PANX1: variants seen among roughly 807,000 people sequenced by gnomAD.
PANX1 encodes pannexin 1.
A neutral mutation model predicts 38.7 loss-of-function variants in PANX1; 30 were observed. The observed-to-expected ratio is 0.78, with a 90% CI of 0.58 to 1.05. The LOEUF (loss-of-function observed/expected upper bound fraction) is 1.05, where lower values mean the gene tolerates loss of function less well. PANX1 is among the 50% of genes least tolerant of loss of function. The pLI is 0.00. For synonymous variants in PANX1, 230 were observed against 212.2 expected (o/e 1.08, Z -0.73); for missense variants, 551 against 517.2 (o/e 1.07, Z -0.63).
intron 1 of PANX1, among the ~76,000 whole-genome samples, chr11:94,147,503 A>G (rs1038227768): frequency 2.0e-5 from 3 of 151,966 alleles, no homozygotes; most frequent in Non-Finnish European, 2.9e-5. Flanking sequence ...AACCCCTCAA[A>G]CTGCTACTTA....
intron 2 of PANX1, among the ~76,000 whole-genome samples, chr11:94,157,140 G>A (rs930649109): frequency 6.6e-6 from 1 of 151,968 alleles, no homozygotes; most frequent in Non-Finnish European, 1.5e-5. Flanking sequence ...TTGGACATTT[G>A]GGTTGGTTCC....
chr11:94,176,000 G>C, intron 2 of PANX1: 2 of 545,662 alleles, frequency 3.7e-6, no homozygotes, highest in Non-Finnish European at 4.7e-6. Flanking sequence ...TGCAAACTAG[G>C]ATAGGAAAAT....
At chr11:94,171,796 A>G (rs1288433518) in intron 2 of PANX1, among the ~76,000 whole-genome samples, 1 of 148,622 alleles carries the variant, frequency 6.7e-6, no homozygotes, top group Non-Finnish European at 1.5e-5. Context: ...TCCATGCACT[A>G]CTGATGACCT....
At position 94,180,770 on chromosome 11, in the gene PANX1, T is replaced by C. The variant is rs1489695378; in HGVS notation, c.1202-20T>C. The stretch of plus-strand genomic sequence containing the variant: ...TCCTGCTATGTTTCTGTCATAAATA[T>C]TTGTTTTCAATTTTGACAGGTATGA... On this transcript the variant is annotated intron_variant, in intron 4 of 4. Transcript: ENST00000227638. The C allele has an allele frequency of 1.5e-6, 2 of 1,310,976 alleles. No homozygotes were observed. Among genetic ancestry groups the C allele is most frequent in the Non-Finnish European group, 2.2e-6 (2 of 906,146 alleles). 81.2% of individuals were successfully genotyped at this position (1,310,976 alleles called of 1,614,324 possible). A position where few individuals can be genotyped will look rare whatever the true frequency, so the allele number is the denominator to read the frequency against.
chr11:94,142,994 T>C (rs920300205), intron 1 of PANX1, among the ~76,000 whole-genome samples: 59 of 152,386 alleles, frequency 3.9e-4, no homozygotes, highest in African/African-American at 1.4e-3. Flanking sequence ...GCATCTGTCA[T>C]GAGTTTTTGT....
chr11:94,130,371 G>T (rs1044529263), intron 1 of PANX1, among the ~76,000 whole-genome samples: 1 of 152,202 alleles, frequency 6.6e-6, no homozygotes, highest in African/African-American at 2.4e-5. Context: ...AGATGGCAGA[G>T]AATGTTATAT....
chr11:94,172,984 C>T (rs1024433149), intron 2 of PANX1, among the ~76,000 whole-genome samples: 2 of 151,746 alleles, frequency 1.3e-5, no homozygotes, highest in Admixed American at 6.5e-5. Flanking sequence ...TGAATAGAAG[C>T]CATGCCATCT....
Position 94,130,648 on chromosome 11 carries a change from A to G in PANX1, c.181+1155A>G, listed in dbSNP as rs1355668507. Among the ~76,000 whole-genome samples the G allele has an allele frequency of 5.9e-5, 9 of 152,196 alleles. No individual in the cohort carries two copies. In the East Asian group the frequency reaches 1.7e-3, roughly 29 times the overall value. On this transcript the variant is annotated intron_variant, in intron 1 of 4. Coordinates refer to ENST00000227638, the MANE Select transcript of PANX1 (RefSeq NM_015368.4). ...AGGCATCGGCTGAGGTCTTGTGCAC[A>G]GAGGGTGTGAAGAGTGGAAGAAAAT... is the stretch of plus-strand genomic sequence containing the variant.
intron 1 of PANX1, among the ~76,000 whole-genome samples, chr11:94,133,380 GC>G (rs1946652874): frequency 1.3e-5 from 2 of 152,160 alleles, no homozygotes; most frequent in African/African-American, 2.4e-5. Context: ...GAGGGGCATG[GC>G]AAGGCTGGTG....
At chr11:94,176,550 G>A (rs1947234386) in intron 2 of PANX1, among the ~76,000 whole-genome samples, 1 of 151,646 alleles carries the variant, frequency 6.6e-6, no homozygotes, top group Non-Finnish European at 1.5e-5. Context: ...AGCAATGGGG[G>A]AAACTGAGTG....
chr11:94,143,540 C>T (rs991678975), intron 1 of PANX1, among the ~76,000 whole-genome samples: 22 of 152,108 alleles, frequency 1.4e-4, no homozygotes, highest in African/African-American at 5.3e-4. Context: ...ATTTAATCCT[C>T]CTGGGAATTC....
At position 94,129,237 on chromosome 11, in the gene PANX1, T is replaced by TG; in HGVS notation, c.-73dup. On this transcript the variant is annotated 5_prime_UTR_variant, in exon 1 of 5. An upstream open reading frame in the 5' UTR loses its in-frame stop. Coordinates refer to ENST00000227638, the MANE Select transcript of PANX1 (RefSeq NM_015368.4). ...GAAAGCCGCGCGCCCGGCCGGTGAC[T>TG]GGGTGAAGGCGCCGCGCAGCTTTCC... The TG allele has an allele frequency of 7.6e-7, 1 of 1,323,202 alleles. No individual in the cohort carries two copies. The highest frequency in any genetic ancestry group is 1.0e-6 in the Non-Finnish European group (1 of 964,520). The allele number at this position is 1,323,202 out of a possible 1,614,324, so 82.0% of individuals were successfully genotyped here.
At chr11:94,169,423 A>C (rs540235461) in intron 2 of PANX1, among the ~76,000 whole-genome samples, 8 of 151,886 alleles carry the variant, frequency 5.3e-5, no homozygotes, top group Non-Finnish European at 1.2e-4. Context: ...GGCTAACTCT[A>C]CATTTGGGTG....
At position 94,128,943 on chromosome 11, in the gene PANX1, G is replaced by T; in HGVS notation, c.-370G>T. Reference sequence around the variant, plus strand: ...TCGGCAGCCAGGGCGGCGCGGAGGGGCAGGGCCAGAGGGAAGCGCTTTGTT... The same window carrying T: ...TCGGCAGCCAGGGCGGCGCGGAGGGTCAGGGCCAGAGGGAAGCGCTTTGTT... On this transcript the variant is annotated 5_prime_UTR_variant, in exon 1 of 5. Transcript: ENST00000227638. 1 of 163,174 alleles carries T rather than the reference G, an allele frequency of 6.1e-6. No homozygotes were observed. The allele number at this position is 163,174 out of a possible 1,614,324, so 10.1% of individuals were successfully genotyped here.
intron 2 of PANX1, among the ~76,000 whole-genome samples, chr11:94,170,930 C>T (rs984384584): frequency 1.3e-5 from 2 of 151,488 alleles, no homozygotes; most frequent in African/African-American, 4.9e-5. Context: ...CTTAGTTCAG[C>T]GTGCTCATGG....
chr11:94,144,244 A>G (rs748085233), intron 1 of PANX1, among the ~76,000 whole-genome samples: 4 of 151,644 alleles, frequency 2.6e-5, no homozygotes, highest in Non-Finnish European at 5.9e-5. Flanking sequence ...TTTTTTTTCC[A>G]TCATTCATTT....
At position 94,143,496 on chromosome 11, in the gene PANX1, C is replaced by T. The variant is rs116955087; in HGVS notation, c.182-9995C>T. On this transcript the variant is annotated intron_variant, in intron 1 of 4. Coordinates refer to ENST00000227638, the MANE Select transcript of PANX1 (RefSeq NM_015368.4). The stretch of plus-strand genomic sequence containing the variant: ...AATACTAGTTCCCATTTACTGAATT[C>T]TTAACTGTGTGCTGGTACTATAGCA... 6.2e-3 allele frequency among the ~76,000 whole-genome samples: 945 copies of T among 152,316 alleles called. 1 individual carries two copies. Among genetic ancestry groups the T allele is most frequent in the Non-Finnish European group, 9.6e-3 (650 of 68,028 alleles).
chr11:94,169,082 A>G (rs776685867), intron 2 of PANX1, among the ~76,000 whole-genome samples: 2 of 151,756 alleles, frequency 1.3e-5, no homozygotes, highest in Non-Finnish European at 2.9e-5. Flanking sequence ...GCAGTGAGAT[A>G]TGGTATCTGG....
chr11:94,143,802 G>C (rs1186856001), intron 1 of PANX1, among the ~76,000 whole-genome samples: 2 of 150,976 alleles, frequency 1.3e-5, no homozygotes, highest in Non-Finnish European at 2.9e-5. Flanking sequence ...AGACTGGAGT[G>C]TAGTGATGGG....
Sources: gnomAD v4.1 joint callset for allele counts (sites outside exome capture counted in the v4.1 genomes callset) on GRCh38, gnomAD v4.1.1 for gene constraint, MANE v1.5 for transcripts, NCBI Gene and HGNC (gene_info 2026-07-23, HGNC 2026-07-21) for gene names.